SLC9D1: variants seen among roughly 807,000 people sequenced by gnomAD.
SLC9D1 encodes solute carrier family 9 member D1, also known as putative LAG1-interacting protein.
chr13:113,501,975 A>C, the SLC9D1 span: 1 of 1,015,756 alleles, frequency 9.8e-7, no homozygotes, highest in Non-Finnish European at 1.5e-6. Context: ...ATTAATGCAG[A>C]TACCAGCTTC....
At chr13:113,503,381 G>GTGTA in the SLC9D1 span, 5 of 624,034 alleles carry the variant, frequency 8.0e-6, no homozygotes, top group Non-Finnish European at 1.1e-5. Flanking sequence ...GTGTGTGTGT[G>GTGTA]TGTATGTGTG....
chr13:113,537,411 T>G, the SLC9D1 span, among the ~76,000 whole-genome samples: 1 of 152,228 alleles, frequency 6.6e-6, no homozygotes, highest in Non-Finnish European at 1.5e-5. Context: ...GGCTTCCGTG[T>G]CTGGCTTCCA....
At chr13:113,540,071 A>G in the SLC9D1 span, among the ~76,000 whole-genome samples, 1 of 152,166 alleles carries the variant, frequency 6.6e-6, no homozygotes, top group African/African-American at 2.4e-5. Context: ...CGGTTGCGTA[A>G]CATTCCCTGA....
chr13:113,524,922 T>C, the SLC9D1 span, among the ~76,000 whole-genome samples: 1 of 152,220 alleles, frequency 6.6e-6, no homozygotes, highest in Non-Finnish European at 1.5e-5. Flanking sequence ...GCATTTTATT[T>C]GTTTTTTGTC....
At chr13:113,512,355 G>T in the SLC9D1 span, among the ~76,000 whole-genome samples, 1 of 150,804 alleles carries the variant, frequency 6.6e-6, no homozygotes, top group Non-Finnish European at 1.5e-5. Flanking sequence ...TAGATGGAGA[G>T]GGTCAGTATA....
the SLC9D1 span, chr13:113,520,623 T>C: frequency 6.2e-7 from 1 of 1,610,504 alleles, no homozygotes; most frequent in Non-Finnish European, 8.5e-7. Context: ...CAGGCGACAT[T>C]GACTACAGCA....
At chr13:113,510,145 C>G in the SLC9D1 span, 1 of 1,203,114 alleles carries the variant, frequency 8.3e-7, no homozygotes, top group Non-Finnish European at 1.2e-6. Context: ...AGCTCTGCCT[C>G]CTTTCCTGGA....
At chr13:113,516,307 G>A in the SLC9D1 span, among the ~76,000 whole-genome samples, 1 of 152,164 alleles carries the variant, frequency 6.6e-6, no homozygotes, top group Admixed American at 6.5e-5. Flanking sequence ...GCTCATGCCT[G>A]TAATCCCAGC....
At chr13:113,494,302 C>A in the SLC9D1 span, among the ~76,000 whole-genome samples, 1 of 152,116 alleles carries the variant, frequency 6.6e-6, no homozygotes, top group Admixed American at 6.5e-5. Context: ...TGGCCAAATT[C>A]CACGGACTCT....
chr13:113,533,795 A>G, the SLC9D1 span, among the ~76,000 whole-genome samples: 2 of 152,348 alleles, frequency 1.3e-5, no homozygotes, highest in African/African-American at 4.8e-5. Context: ...GAGAATTTTC[A>G]CATTCTAGAA....
chr13:113,531,934 G>A, the SLC9D1 span, among the ~76,000 whole-genome samples: 9 of 152,324 alleles, frequency 5.9e-5, no homozygotes, highest in Admixed American at 2.0e-4. Context: ...TTGTGTAGCC[G>A]TTAGGGGCTT....
chr13:113,548,368 C>T, the SLC9D1 span: 28 of 1,613,758 alleles, frequency 1.7e-5, no homozygotes, highest in South Asian at 2.3e-4. Flanking sequence ...TCAAGTGGAT[C>T]GTCTCTGCGG....
At chr13:113,526,346 A>T in the SLC9D1 span, among the ~76,000 whole-genome samples, 1 of 152,254 alleles carries the variant, frequency 6.6e-6, no homozygotes, top group African/African-American at 2.4e-5. Flanking sequence ...AAAAGTTTTT[A>T]AAAACCTTAA....
chr13:113,495,660 G>A, the SLC9D1 span: 14 of 1,604,592 alleles, frequency 8.7e-6, no homozygotes, highest in Non-Finnish European at 1.2e-5. Flanking sequence ...GGAGCACGAG[G>A]AGGTGGCGCA....
the SLC9D1 span, chr13:113,503,413 A>T: frequency 3.2e-6 from 3 of 948,984 alleles, no homozygotes; most frequent in Admixed American, 5.7e-5. Flanking sequence ...TCCACCGGGC[A>T]TACTAGGGCA....
the SLC9D1 span, chr13:113,524,104 G>T: frequency 2.2e-6 from 1 of 451,736 alleles, no homozygotes; most frequent in Non-Finnish European, 4.4e-6. Flanking sequence ...GTTGAGTGGA[G>T]TTTTTTTTAA....
chr13:113,502,201 C>CATTTTT, the SLC9D1 span, among the ~76,000 whole-genome samples: 1 of 152,072 alleles, frequency 6.6e-6, no homozygotes, highest in Non-Finnish European at 1.5e-5. Flanking sequence ...TTGCATTAAC[C>CATTTTT]GTTTTTGTTG....
the SLC9D1 span, chr13:113,499,943 T>C: frequency 2.9e-6 from 4 of 1,397,724 alleles, no homozygotes; most frequent in Non-Finnish European, 3.8e-6. Context: ...TTGCATAATA[T>C]TATTATTCTT....
the SLC9D1 span, among the ~76,000 whole-genome samples, chr13:113,521,579 T>C: frequency 1.1e-4 from 17 of 152,104 alleles, no homozygotes; most frequent in African/African-American, 3.9e-4. Flanking sequence ...AGAGCTATCA[T>C]TGTGTGGTTG....
Sources: allele counts gnomAD v4.1 joint callset (sites outside exome capture counted in the v4.1 genomes callset), GRCh38; gene constraint gnomAD v4.1.1; transcripts MANE v1.5; gene names NCBI Gene and HGNC (gene_info 2026-07-23, HGNC 2026-07-21).